The following IFT74 variants were observed in gnomAD, a reference collection of about 807,000 sequenced individuals.
IFT74 encodes the protein intraflagellar transport 74, also known as intraflagellar transport protein 74 homolog.
Under a neutral mutation model 96.7 loss-of-function variants are expected in IFT74, and 92 were observed. The observed-to-expected ratio is 0.95, with a 90% confidence interval of 0.80 to 1.13. The LOEUF (loss-of-function observed/expected upper bound fraction) is 1.13, where lower values mean the gene tolerates loss of function less well. IFT74 is among the 50% of genes most tolerant of loss of function. The probability of loss-of-function intolerance (pLI) is 0.00; values close to 1 mark genes in which losing one functional copy is unlikely to be tolerated. For missense variants in IFT74, 811 were observed against 698.2 expected, an observed-to-expected ratio of 1.16 and a Z score of -1.82; for synonymous variants, 223 against 213.2, an observed-to-expected ratio of 1.05 and a Z score of -0.40.
chr9:26,948,484 T>TTTTTTTTTTTTTTTTTTTTTTTTTTTC (rs1825828137), intron 1 of IFT74, among the ~76,000 whole-genome samples: 1 of 108,752 alleles, frequency 9.2e-6, no homozygotes. Context: ...TTTTTTTTTT[T>TTTTTTTTTTTTTTTTTTTTTTTTTTTC]TTTTGAGACG....
intron 12 of IFT74, among the ~76,000 whole-genome samples, chr9:27,028,649 G>A (rs1470382140): frequency 3.9e-5 from 6 of 151,946 alleles, no homozygotes; most frequent in Non-Finnish European, 7.4e-5. Context: ...CCAGCTATTC[G>A]GGAGGCTGAG....
intron 1 of IFT74, among the ~76,000 whole-genome samples, chr9:26,948,116 A>G (rs1717744011): frequency 6.6e-6 from 1 of 152,214 alleles, no homozygotes; most frequent in South Asian, 2.1e-4. Context: ...CTAGGTTTGG[A>G]ATCACTTTTC....
chr9:27,048,364 C>CAA, intron 16 of IFT74, 90 bp downstream of exon 16: 2 of 916,302 alleles, frequency 2.2e-6, no homozygotes, highest in Non-Finnish European at 3.1e-6. Context: ...TTGACAGAGG[C>CAA]TATAATTTAT....
chr9:27,058,877 C>T (rs1288808750), intron 18 of IFT74, among the ~76,000 whole-genome samples: 1 of 152,116 alleles, frequency 6.6e-6, no homozygotes, highest in South Asian at 2.1e-4. Context: ...CATATGGAAA[C>T]CTAGATATAG....
At chr9:27,058,558 T>C (rs1820276808) in intron 18 of IFT74, among the ~76,000 whole-genome samples, 1 of 152,076 alleles carries the variant, frequency 6.6e-6, no homozygotes, top group Non-Finnish European at 1.5e-5. Context: ...TCTAATTTTT[T>C]TGTGTTTTTA....
intron 2 of IFT74, among the ~76,000 whole-genome samples, chr9:26,973,594 A>G (rs1266554243): frequency 6.6e-6 from 1 of 152,206 alleles, no homozygotes; most frequent in South Asian, 2.1e-4. Flanking sequence ...GCCTATTCCT[A>G]ATTTTAGCAT....
upstream of IFT74, among the ~76,000 whole-genome samples, chr9:26,952,528 A>G (rs1212009937): frequency 2.6e-5 from 4 of 152,054 alleles, no homozygotes; most frequent in African/African-American, 9.7e-5. Flanking sequence ...CCGCCTGCCT[A>G]GGCCTCCCAA....
At chr9:27,053,373 G>A (rs1007139731) in intron 16 of IFT74, among the ~76,000 whole-genome samples, 36 of 152,096 alleles carry the variant, frequency 2.4e-4, no homozygotes, top group Admixed American at 2.2e-3. Flanking sequence ...TAAGAAAAAG[G>A]TTGAGAAACA....
chr9:26,989,949 A>T (rs964425811), intron 7 of IFT74, among the ~76,000 whole-genome samples, 185 bp from the exon 8 acceptor site: 2 of 152,180 alleles, frequency 1.3e-5, no homozygotes, highest in Admixed American at 1.3e-4. Context: ...TCTTAAAAAG[A>T]CTTTTTAAAA....
At chr9:26,952,279 C>A (rs1825958120), upstream of IFT74, among the ~76,000 whole-genome samples, 1 of 141,630 alleles carries the variant, frequency 7.1e-6, no homozygotes, top group African/African-American at 2.6e-5. Context: ...TTTTTTTTAA[C>A]CTTTTTTTTT....
At chr9:27,033,380 A>G (rs1272555202) in intron 13 of IFT74, among the ~76,000 whole-genome samples, 1 of 151,952 alleles carries the variant, frequency 6.6e-6, no homozygotes, top group East Asian at 1.9e-4. Flanking sequence ...CAACAGGGCG[A>G]AAACCTGTCT....
intron 12 of IFT74, among the ~76,000 whole-genome samples, chr9:27,020,953 C>T (rs1177623618): frequency 6.6e-6 from 1 of 152,094 alleles, no homozygotes; most frequent in Non-Finnish European, 1.5e-5. Context: ...TCCCCGGAGT[C>T]CATTGTATCA....
At chr9:26,982,712 C>T (rs1827440885) in intron 4 of IFT74, among the ~76,000 whole-genome samples, 1 of 152,050 alleles carries the variant, frequency 6.6e-6, no homozygotes, top group Non-Finnish European at 1.5e-5. Context: ...ACCTTGGCCT[C>T]TTAGAGTGCT....
rs1820530505 is a variant in IFT74 at position 27,063,933 on chromosome 9, G to C, written c.*1197G>C. On this transcript the variant is annotated 3_prime_UTR_variant, in exon 20 of 20. Coordinates refer to ENST00000380062, the MANE Select transcript of IFT74 (RefSeq NM_025103.4). The stretch of plus-strand genomic sequence containing the variant: ...TCATAAAATGTGTTCCATAAATCCT[G>C]AGCATCTTGAGTTATTAATAGTGTT... 6.6e-6 allele frequency among the ~76,000 whole-genome samples: 1 copy of C among 152,052 alleles called. No homozygotes were observed. Among genetic ancestry groups the C allele is most frequent in the Non-Finnish European group, 1.5e-5 (1 of 67,964 alleles).
intron 12 of IFT74, among the ~76,000 whole-genome samples, chr9:27,019,994 G>A (rs116602646): frequency 0.075 from 10,368 of 138,856 alleles, 458 homozygotes; most frequent in African/African-American, 0.14. Context: ...TTTTTTTTCT[G>A]ATACAGAGTC....
intron 13 of IFT74, among the ~76,000 whole-genome samples, chr9:27,035,677 C>G (rs1416132797): frequency 6.6e-6 from 1 of 152,178 alleles, no homozygotes; most frequent in African/African-American, 2.4e-5. Flanking sequence ...ACCAATTATA[C>G]TGTATGATTT....
At position 27,064,868 on chromosome 9, in the gene IFT74, A is replaced by T. The variant is rs1038596323; in HGVS notation, c.*2132A>T. The stretch of plus-strand genomic sequence containing the variant: ...TTTCTGAGTGGTGGGATTATGGGTG[A>T]TTGTAATCTTCCTTGGGCTTTTTGG... On this transcript the variant is annotated 3_prime_UTR_variant, in exon 20 of 20. Coordinates refer to ENST00000380062, the MANE Select transcript of IFT74 (RefSeq NM_025103.4). Among the ~76,000 whole-genome samples, 32 of 151,914 alleles carry T rather than the reference A, an allele frequency of 2.1e-4. No individual in the cohort carries two copies. The highest frequency in any genetic ancestry group is 4.1e-4 in the South Asian group (2 of 4,824).
intron 1 of IFT74, among the ~76,000 whole-genome samples, chr9:26,949,814 G>A (rs548575210): frequency 7.2e-5 from 11 of 152,296 alleles, no homozygotes; most frequent in African/African-American, 2.4e-4. Context: ...AACTATCTTC[G>A]TGAACCTGAG....
At position 27,056,580 on chromosome 9, in the gene IFT74, G is replaced by C; in HGVS notation, c.1623+121G>C. On this transcript the variant is annotated intron_variant, in intron 18 of 19. Transcript: ENST00000380062. ...TCTAGATTTTCTGACTTTTAAGACA[G>C]CCAGATTCTGTACAGTCTTCATTCA... The C allele has an allele frequency of 6.6e-6, 5 of 763,352 alleles. No homozygotes were observed. The Admixed American group carries it at 1.2e-4, about 18-fold the overall frequency. 47.3% of individuals were successfully genotyped at this position (763,352 alleles called of 1,614,324 possible). A position where few individuals can be genotyped will look rare whatever the true frequency, so the allele number is the denominator to read the frequency against.
Sources: gnomAD v4.1 joint callset for allele counts (sites outside exome capture counted in the v4.1 genomes callset) on GRCh38, gnomAD v4.1.1 for gene constraint, MANE v1.5 for transcripts, NCBI Gene and HGNC (gene_info 2026-07-23, HGNC 2026-07-21) for gene names.